The following CHM variants were observed in gnomAD, a reference collection of about 807,000 sequenced individuals.
The protein encoded by CHM is rab proteins geranylgeranyltransferase component A 1.
Under a neutral mutation model 49.0 loss-of-function variants are expected in CHM, and 10 were observed. The ratio of observed to expected loss-of-function variants is 0.20; its 90% confidence interval spans 0.13 to 0.35. The LOEUF is 0.35. Ranked by LOEUF, CHM falls within the 10% of genes least tolerant of loss-of-function variation. CHM has a pLI of 1.00. For synonymous variants in CHM, 184 were observed against 167.5 expected (o/e 1.10, Z -0.76); for missense variants, 455 against 478.4 (o/e 0.95, Z 0.46).
At chrX:86,047,305 T>C (rs1934688210) in intron 1 of CHM, 179 bp downstream of exon 1, 2 of 501,131 alleles carry the variant, frequency 4.0e-6, no homozygotes, top group Non-Finnish European at 7.2e-6. Flanking sequence ...GCACTGCGGG[T>C]CCCAGCCCCT....
At chrX:85,990,105 C>T (rs377448607) in intron 2 of CHM, among the ~76,000 whole-genome samples, 9 of 112,050 alleles carry the variant, frequency 8.0e-5, no homozygotes, top group African/African-American at 1.9e-4. Context: ...GCATCAATGA[C>T]GGACTGGATA....
intron 2 of CHM, among the ~76,000 whole-genome samples, chrX:85,993,033 T>G (rs752294485): frequency 5.4e-4 from 60 of 111,782 alleles, no homozygotes; most frequent in Admixed American, 2.5e-3. Context: ...ATCTCATCTG[T>G]TTTCACTGAT....
chrX:85,932,635 A>G (rs138969133), intron 8 of CHM, among the ~76,000 whole-genome samples: 1 of 112,190 alleles, frequency 8.9e-6, no homozygotes, highest in Non-Finnish European at 1.9e-5. Flanking sequence ...TGCAGACCTT[A>G]AAGAGCCCAT....
chrX:85,981,379 A>G (rs920177147), intron 3 of CHM, among the ~76,000 whole-genome samples: 6 of 107,235 alleles, frequency 5.6e-5, no homozygotes, highest in Non-Finnish European at 1.2e-4. Context: ...GACTACAGGC[A>G]CGTGCCACCA....
chrX:85,985,003 C>A lies in CHM; in HGVS notation c.117-3194G>T, dbSNP rs1040595134. On this transcript the variant is annotated intron_variant, in intron 2 of 14. Transcript: ENST00000357749. The stretch of plus-strand genomic sequence containing the variant: ...CTCCAAAGAAGTGGGAGGTTAGACC[C>A]CCATACATACCCCTAGGAAAGGGGC... 2.9e-4 allele frequency among the ~76,000 whole-genome samples: 32 copies of A among 111,578 alleles called. No homozygotes were observed. The South Asian group carries it at 3.0e-3, about 11-fold the overall frequency.
chrX:85,989,727 A>C (rs1015612078), intron 2 of CHM, among the ~76,000 whole-genome samples: 1 of 96,592 alleles, frequency 1.0e-5, no homozygotes, highest in Non-Finnish European at 2.2e-5. Context: ...TGTAGTCAAT[A>C]GCATATGGAA....
intron 2 of CHM, among the ~76,000 whole-genome samples, chrX:86,014,498 T>C (rs1933207061): frequency 8.9e-6 from 1 of 112,089 alleles, no homozygotes; most frequent in East Asian, 2.8e-4. Flanking sequence ...GAGGACAAAG[T>C]GCTGATGGAA....
At chrX:85,873,604 T>C (rs1924236557) in intron 13 of CHM, among the ~76,000 whole-genome samples, 1 of 111,295 alleles carries the variant, frequency 9.0e-6, no homozygotes, top group Non-Finnish European at 1.9e-5. Flanking sequence ...GGAAGTGGGT[T>C]AGTAGGTTAC....
Position 85,864,598 on chromosome X carries a change from C to T in CHM, c.*32G>A. 1 of 1,162,154 alleles carries T rather than the reference C, an allele frequency of 8.6e-7. No individual in the cohort carries two copies. Among genetic ancestry groups the T allele is most frequent in the South Asian group, 1.8e-5 (1 of 54,772 alleles). ...AGACTCTGAGACCAGTCAGAATTTCCAAAGTTGGGTATCCAGTTTGGTGTA... is the reference window on the plus strand; with the variant it reads ...AGACTCTGAGACCAGTCAGAATTTCTAAAGTTGGGTATCCAGTTTGGTGTA... On this transcript the variant is annotated 3_prime_UTR_variant, in exon 15 of 15. Coordinates refer to ENST00000357749, the MANE Select transcript of CHM (RefSeq NM_000390.4).
chrX:86,009,968 A>C (rs1382746456), intron 2 of CHM, among the ~76,000 whole-genome samples: 3 of 110,277 alleles, frequency 2.7e-5, no homozygotes, highest in Non-Finnish European at 5.7e-5. Flanking sequence ...CTGGATAAAG[A>C]AAATGTGGCA....
intron 14 of CHM, among the ~76,000 whole-genome samples, chrX:85,867,980 CAATT>C (rs1923805762): frequency 9.0e-6 from 1 of 110,630 alleles, no homozygotes; most frequent in South Asian, 3.8e-4. Context: ...ATGATTACCA[CAATT>C]AAGTTAACAC....
chrX:85,929,490 A>G (rs1458147695), intron 8 of CHM, among the ~76,000 whole-genome samples: 4 of 111,553 alleles, frequency 3.6e-5, no homozygotes. Context: ...GTATTTGTCT[A>G]CTGTCTCTCT....
At chrX:85,872,619 G>A (rs748979831) in intron 14 of CHM, among the ~76,000 whole-genome samples, 17 of 111,928 alleles carry the variant, frequency 1.5e-4, no homozygotes, top group Admixed American at 2.8e-4. Context: ...TAAGACTACT[G>A]TAAAATTAAT....
Position 85,862,465 on chromosome X carries a change from ATAAG to A in CHM, c.*2161_*2164del, listed in dbSNP as rs1300051966. 1.8e-5 allele frequency: 2 copies of A among 112,590 alleles called. No homozygotes were observed. Among genetic ancestry groups the A allele is most frequent in the African/African-American group, 6.5e-5 (2 of 30,907 alleles). The allele number at this position is 112,590 out of a possible 1,213,427, so 9.3% of individuals were successfully genotyped here. On this transcript the variant is annotated 3_prime_UTR_variant, in exon 15 of 15. Coordinates refer to ENST00000357749, the MANE Select transcript of CHM (RefSeq NM_000390.4). The stretch of plus-strand genomic sequence containing the variant: ...GGCAAGGCCAATATCCGGTACATTA[ATAAG>A]TATGTATTAGACATTGAGTGCATAT...
At chrX:86,023,948 T>C (rs752771483) in intron 2 of CHM, among the ~76,000 whole-genome samples, 9 of 111,141 alleles carry the variant, frequency 8.1e-5, no homozygotes, top group African/African-American at 2.9e-4. Context: ...GCTTAAAGGG[T>C]AGTGGGGAAG....
chrX:85,904,967 T>C (rs1163280395), intron 9 of CHM, among the ~76,000 whole-genome samples: 2 of 112,238 alleles, frequency 1.8e-5, no homozygotes, highest in African/African-American at 6.5e-5. Flanking sequence ...ATATACACTG[T>C]GTAATGATTA....
chrX:85,979,706 T>C (rs1931489295), intron 3 of CHM, among the ~76,000 whole-genome samples: 1 of 112,149 alleles, frequency 8.9e-6, no homozygotes, highest in Non-Finnish European at 1.9e-5. Context: ...GTATTATACA[T>C]ACTGAAGGAA....
intron 8 of CHM, among the ~76,000 whole-genome samples, chrX:85,948,660 C>T (rs1929551526): frequency 9.0e-6 from 1 of 111,406 alleles, no homozygotes; most frequent in Admixed American, 9.6e-5. Flanking sequence ...ATAATAGTAG[C>T]CTTGATGAGA....
chrX:85,936,321 C>T (rs1352980655), intron 8 of CHM, among the ~76,000 whole-genome samples: 1 of 112,088 alleles, frequency 8.9e-6, no homozygotes, highest in Admixed American at 9.5e-5. Context: ...CAAAGTCATG[C>T]AACTTTTATG....
Sources: allele counts gnomAD v4.1 joint callset (sites outside exome capture counted in the v4.1 genomes callset), GRCh38; gene constraint gnomAD v4.1.1; transcripts MANE v1.5; gene names NCBI Gene and HGNC (gene_info 2026-07-23, HGNC 2026-07-21).